NOVA1: variants seen among roughly 807,000 people sequenced by gnomAD.
NOVA1 encodes the protein NOVA alternative splicing regulator 1.
In NOVA1, 7 loss-of-function variants were observed where a neutral mutation model predicts 38.0. That is an observed-to-expected ratio of 0.18 (90% CI 0.10 to 0.35). The LOEUF is 0.35. Ranked by LOEUF, NOVA1 falls within the 10% of genes least tolerant of loss-of-function variation. NOVA1 has a pLI of 1.00. For missense variants in NOVA1, 460 were observed against 616.0 expected (o/e 0.75, Z 2.68); for synonymous variants, 270 against 232.5 (o/e 1.16, Z -1.47).
chr14:26,457,212 C>T (rs1316985776), intron 4 of NOVA1, among the ~76,000 whole-genome samples: 1 of 151,972 alleles, frequency 6.6e-6, no homozygotes, highest in East Asian at 1.9e-4. Context: ...ATAATTTTGG[C>T]ACATTTCTGG....
intron 2 of NOVA1, among the ~76,000 whole-genome samples, chr14:26,557,219 G>GT (rs991197564): frequency 6.6e-6 from 1 of 152,104 alleles, no homozygotes; most frequent in African/African-American, 2.4e-5. Flanking sequence ...TGGGGACATA[G>GT]TATCTCCTTA....
intron 2 of NOVA1, among the ~76,000 whole-genome samples, chr14:26,483,050 A>C (rs1885591187): frequency 6.6e-6 from 1 of 152,206 alleles, no homozygotes; most frequent in Non-Finnish European, 1.5e-5. Flanking sequence ...CAAAAAGTAT[A>C]ATAAGAAGGG....
At chr14:26,499,129 T>C (rs1887063418) in intron 2 of NOVA1, among the ~76,000 whole-genome samples, 1 of 152,188 alleles carries the variant, frequency 6.6e-6, no homozygotes, top group African/African-American at 2.4e-5. Context: ...CTAATAATAG[T>C]GTATTGTTTT....
intron 2 of NOVA1, among the ~76,000 whole-genome samples, chr14:26,540,211 C>T (rs768705841): frequency 3.3e-5 from 5 of 152,210 alleles, no homozygotes; most frequent in Admixed American, 2.0e-4. Flanking sequence ...GGTGAGCAAG[C>T]ATTAAGCATT....
intron 2 of NOVA1, among the ~76,000 whole-genome samples, chr14:26,551,940 T>C (rs144852991): frequency 1.1e-4 from 17 of 152,170 alleles, no homozygotes; most frequent in Admixed American, 1.1e-3. Flanking sequence ...AAACAGTGTA[T>C]GCTCCTCAAG....
chr14:26,455,906 T>C (rs992033270), intron 4 of NOVA1, among the ~76,000 whole-genome samples: 1 of 151,846 alleles, frequency 6.6e-6, no homozygotes, highest in Non-Finnish European at 1.5e-5. Context: ...TGAAAATAAT[T>C]TGGGGTATTG....
At chr14:26,459,164 G>T (rs1883445999) in intron 4 of NOVA1, among the ~76,000 whole-genome samples, 1 of 151,924 alleles carries the variant, frequency 6.6e-6, no homozygotes. Flanking sequence ...TCTATTCATG[G>T]TTAGTTCCCT....
intron 2 of NOVA1, among the ~76,000 whole-genome samples, chr14:26,511,704 A>T (rs1196169186): frequency 6.6e-6 from 1 of 152,024 alleles, no homozygotes; most frequent in African/African-American, 2.4e-5. Flanking sequence ...CTAAGCCGAG[A>T]TAGCGCCACT....
In NOVA1 at chr14:26,554,881, T is replaced by A. The variant is rs2138658577; in HGVS notation, c.280+40529A>T. ...CTATTTTGTGGAGATTTCTTAGCGT[T>A]TTCCTTGCGTATAAAAGCTACAGAA... On this transcript the variant is annotated intron_variant, in intron 2 of 4. Transcript: ENST00000539517. 2.0e-5 allele frequency among the ~76,000 whole-genome samples: 3 copies of A among 152,300 alleles called. No individual in the cohort carries two copies. In the South Asian group the frequency reaches 6.2e-4, roughly 32 times the overall value.
chr14:26,563,117 T>C (rs1891924594), intron 2 of NOVA1, among the ~76,000 whole-genome samples: 1 of 151,720 alleles, frequency 6.6e-6, no homozygotes, highest in African/African-American at 2.4e-5. Flanking sequence ...CAACCAAATA[T>C]GTAGCACCAC....
intron 2 of NOVA1, among the ~76,000 whole-genome samples, chr14:26,492,323 T>C (rs1474829935): frequency 1.3e-5 from 2 of 152,192 alleles, no homozygotes; most frequent in Non-Finnish European, 2.9e-5. Flanking sequence ...TAGTGGTACT[T>C]CTTCCTTTCC....
intron 2 of NOVA1, among the ~76,000 whole-genome samples, chr14:26,547,180 A>C (rs1268810467): frequency 6.6e-6 from 1 of 152,120 alleles, no homozygotes; most frequent in Non-Finnish European, 1.5e-5. Flanking sequence ...TGAATTCCAA[A>C]ATTATTAAGT....
chr14:26,456,681 T>C (rs1271509765), intron 4 of NOVA1, among the ~76,000 whole-genome samples: 1 of 152,000 alleles, frequency 6.6e-6, no homozygotes, highest in African/African-American at 2.4e-5. Flanking sequence ...TCATCAAATT[T>C]TGAAATGGGT....
At chr14:26,473,311 A>G (rs1956804) in intron 3 of NOVA1, among the ~76,000 whole-genome samples, 2,125 of 151,166 alleles carry the variant, frequency 0.014, 42 homozygotes, top group African/African-American at 0.047. Context: ...TAAGATGTTT[A>G]GAATTTTTTT....
At position 26,445,572 on chromosome 14, in the gene NOVA1, A is replaced by T. The variant is rs1882005038; in HGVS notation, c.*2387T>A. ...TGTTTAAATGGTTTGGCTTCAAAGT[A>T]ACATTAAATTCCAGATGAAATGCAT... On this transcript the variant is annotated 3_prime_UTR_variant, in exon 5 of 5. Transcript: ENST00000539517. 6.6e-6 allele frequency: 1 copy of T among 152,250 alleles called. No individual in the cohort carries two copies. Among genetic ancestry groups the T allele is most frequent in the African/African-American group, 2.4e-5 (1 of 41,470 alleles). 9.4% of individuals were successfully genotyped at this position (152,250 alleles called of 1,614,324 possible).
At chr14:26,533,612 T>C (rs1466187826) in intron 2 of NOVA1, among the ~76,000 whole-genome samples, 1 of 152,188 alleles carries the variant, frequency 6.6e-6, no homozygotes, top group Non-Finnish European at 1.5e-5. Context: ...TTTTATGACT[T>C]TGTACATGCT....
intron 2 of NOVA1, among the ~76,000 whole-genome samples, chr14:26,512,302 A>G (rs950515167): frequency 1.2e-4 from 18 of 152,330 alleles, no homozygotes; most frequent in African/African-American, 4.1e-4. Context: ...TGCTTTTCAT[A>G]CTTTTTCACA....
chr14:26,466,375 T>C (rs565733886), intron 4 of NOVA1, among the ~76,000 whole-genome samples: 2 of 152,220 alleles, frequency 1.3e-5, no homozygotes, highest in Admixed American at 6.5e-5. Flanking sequence ...TTAGGGGTAG[T>C]TTTTGGACTT....
chr14:26,569,898 G>C (rs1230668696), intron 2 of NOVA1, among the ~76,000 whole-genome samples: 1 of 152,058 alleles, frequency 6.6e-6, no homozygotes, highest in Non-Finnish European at 1.5e-5. Context: ...AAATAATTTT[G>C]AAGTTCTGAT....
Sources: gnomAD v4.1 joint callset for allele counts (sites outside exome capture counted in the v4.1 genomes callset) on GRCh38, gnomAD v4.1.1 for gene constraint, MANE v1.5 for transcripts, NCBI Gene and HGNC (gene_info 2026-07-23, HGNC 2026-07-21) for gene names.